Variants in NRCAM observed in about 807,000 individuals in gnomAD.
The protein encoded by NRCAM is NgCAM-related cell adhesion molecule.
NRCAM carries 83 observed loss-of-function variants against 156.5 expected under a neutral mutation model. The ratio of observed to expected loss-of-function variants is 0.53; its 90% CI spans 0.44 to 0.64. The LOEUF (loss-of-function observed/expected upper bound fraction) is 0.64. NRCAM is among the 30% of genes least tolerant of loss of function. NRCAM has a pLI of 0.00. For synonymous variants in NRCAM, 538 were observed against 563.9 expected (o/e 0.95, Z 0.65); for missense variants, 1,417 against 1,597.3 (o/e 0.89, Z 1.92).
chr7:108,265,776 T>C (rs1316081958), intron 3 of NRCAM, among the ~76,000 whole-genome samples: 2 of 152,234 alleles, frequency 1.3e-5, no homozygotes, highest in African/African-American at 4.8e-5. Context: ...CACAAAAAAC[T>C]GTGCACAGTG....
intron 3 of NRCAM, among the ~76,000 whole-genome samples, chr7:108,278,124 G>A (rs1430346327): frequency 6.6e-6 from 1 of 152,160 alleles, no homozygotes; most frequent in Admixed American, 6.5e-5. Flanking sequence ...ATCTCAGAGG[G>A]GCACCCACCT....
intron 1 of NRCAM, among the ~76,000 whole-genome samples, chr7:108,447,092 T>C (rs1338167644): frequency 5.9e-5 from 9 of 152,070 alleles, no homozygotes; most frequent in Admixed American, 5.9e-4. Context: ...TTGGTATCTA[T>C]TTGCTCTTTC....
chr7:108,439,901 C>T lies in NRCAM; in HGVS notation c.-332+16342G>A, dbSNP rs182507054. ...GGCAAGGATGTCAAGAAGCTGGAAC[C>T]CTCAGGCATTCCTGGTTGGGAAAGT... On this transcript the variant is annotated intron_variant, in intron 1 of 32. Transcript: ENST00000379028. Among the ~76,000 whole-genome samples the T allele has an allele frequency of 8.6e-5, 13 of 150,560 alleles. No individual in the cohort carries two copies. The East Asian group carries it at 2.5e-3, about 29-fold the overall frequency.
At chr7:108,333,741 G>C (rs1261096379) in intron 2 of NRCAM, among the ~76,000 whole-genome samples, 5 of 152,126 alleles carry the variant, frequency 3.3e-5, no homozygotes, top group Non-Finnish European at 7.4e-5. Context: ...TCATACAATA[G>C]AAAGTTCAAC....
At chr7:108,418,624 G>GTA (rs549235111) in intron 1 of NRCAM, among the ~76,000 whole-genome samples, 5 of 149,480 alleles carry the variant, frequency 3.3e-5, no homozygotes, top group Middle Eastern at 3.4e-3. Flanking sequence ...CTATCACTAA[G>GTA]TATATATATA....
At chr7:108,436,693 C>T (rs1832626508) in intron 1 of NRCAM, among the ~76,000 whole-genome samples, 1 of 152,096 alleles carries the variant, frequency 6.6e-6, no homozygotes, top group Non-Finnish European at 1.5e-5. Flanking sequence ...TAAAACACTA[C>T]AAATACTTTT....
At chr7:108,404,589 T>C (rs2300037) in intron 1 of NRCAM, among the ~76,000 whole-genome samples, 49,775 of 152,084 alleles carry the variant, frequency 0.33, 8,647 homozygotes, top group Middle Eastern at 0.46. Flanking sequence ...CACTGACCCA[T>C]ATGCAGGCAA....
At chr7:108,170,644 C>A (rs2057930246) in intron 28 of NRCAM, among the ~76,000 whole-genome samples, 1 of 152,174 alleles carries the variant, frequency 6.6e-6, no homozygotes, top group African/African-American at 2.4e-5. Context: ...GTGTATAAAA[C>A]CAAACTGTGC....
intron 30 of NRCAM, among the ~76,000 whole-genome samples, chr7:108,163,021 G>A (rs768935125): frequency 6.6e-5 from 10 of 151,684 alleles, no homozygotes; most frequent in African/African-American, 9.7e-5. Flanking sequence ...ACACACATGC[G>A]CATACACACA....
chr7:108,172,691 A>C (rs1308821984), intron 28 of NRCAM, among the ~76,000 whole-genome samples: 1 of 152,224 alleles, frequency 6.6e-6, no homozygotes, highest in Non-Finnish European at 1.5e-5. Context: ...AAAAGGACAA[A>C]AATAAATGAC....
chr7:108,193,896 C>G (rs1260236050), intron 17 of NRCAM, 128 bp downstream of exon 17: 21 of 866,658 alleles, frequency 2.4e-5, no homozygotes, highest in Non-Finnish European at 3.1e-5. Context: ...ATGCTTATCT[C>G]TCTATTTTGG....
intron 2 of NRCAM, among the ~76,000 whole-genome samples, chr7:108,346,858 A>T (rs931007423): frequency 6.6e-6 from 1 of 151,872 alleles, no homozygotes. Context: ...GTAGGAAAAA[A>T]GCAGAATATG....
At chr7:108,258,864 C>A (rs1009089371) in intron 3 of NRCAM, among the ~76,000 whole-genome samples, 3 of 152,322 alleles carry the variant, frequency 2.0e-5, no homozygotes, top group African/African-American at 7.2e-5. Flanking sequence ...TCCTATCCTC[C>A]TTGTGGCCTG....
At chr7:108,432,478 G>A (rs771482643) in intron 1 of NRCAM, among the ~76,000 whole-genome samples, 4 of 152,198 alleles carry the variant, frequency 2.6e-5, no homozygotes, top group Non-Finnish European at 4.4e-5. Context: ...GATTCTCAAA[G>A]TTATAAAAAA....
At chr7:108,370,700 A>G (rs2099622904) in intron 2 of NRCAM, among the ~76,000 whole-genome samples, 11 of 152,076 alleles carry the variant, frequency 7.2e-5, no homozygotes, top group Admixed American at 7.2e-4. Context: ...CTGGGTAAAC[A>G]TTTGCTGTAT....
chr7:108,379,153 G>A (rs1285525825), intron 2 of NRCAM, among the ~76,000 whole-genome samples: 2 of 151,830 alleles, frequency 1.3e-5, no homozygotes, highest in Non-Finnish European at 2.9e-5. Context: ...CCACCACAAA[G>A]GAAAATCAGT....
intron 3 of NRCAM, among the ~76,000 whole-genome samples, chr7:108,286,299 C>A (rs534646716): frequency 9.9e-5 from 15 of 151,938 alleles, no homozygotes; most frequent in Non-Finnish European, 1.9e-4. Flanking sequence ...TATTTATAAG[C>A]CTTATCTGCT....
chr7:108,207,565 G>A lies in NRCAM; in HGVS notation c.1170C>T (p.Pro390=), dbSNP rs1310476593. 1 of 1,613,936 alleles carries A rather than the reference G, an allele frequency of 6.2e-7. No homozygotes were observed. The highest frequency in any genetic ancestry group is 1.7e-5 in the Admixed American group (1 of 59,996). Residue 390 remains proline, a synonymous_variant, in exon 13 of 33, where the codon CCC becomes CCT. Transcript: ENST00000379028. ...CTCCATTTGTTAACCAGCTAATTCTGGGTTTGGGGTTGCCATTAGCTCTGC... is the reference window on the plus strand; with the variant it reads ...CTCCATTTGTTAACCAGCTAATTCTAGGTTTGGGGTTGCCATTAGCTCTGC... ...LICRANGNPK[P]RISWLTNGVP...
chr7:108,260,312 C>T (rs2153987946), intron 3 of NRCAM, among the ~76,000 whole-genome samples: 1 of 152,292 alleles, frequency 6.6e-6, no homozygotes, highest in South Asian at 2.1e-4. Flanking sequence ...TCTGTACTCA[C>T]AGTGCCAGAG....
Sources: allele counts gnomAD v4.1 joint callset (sites outside exome capture counted in the v4.1 genomes callset), GRCh38; gene constraint gnomAD v4.1.1; transcripts MANE v1.5; gene names NCBI Gene and HGNC (gene_info 2026-07-23, HGNC 2026-07-21).